THSD7B: variants seen among roughly 807,000 people sequenced by gnomAD.
THSD7B encodes the protein thrombospondin type-1 domain-containing protein 7B.
THSD7B carries 138 observed loss-of-function variants against 213.6 expected under a neutral mutation model. The observed-to-expected ratio is 0.65, with a 90% CI of 0.56 to 0.74. THSD7B has a LOEUF of 0.74. Ranked by LOEUF, THSD7B falls within the 30% of genes least tolerant of loss-of-function variation. The pLI, the probability that THSD7B is intolerant of heterozygous loss-of-function variation, is 0.00. For synonymous variants in THSD7B, 742 were observed against 687.0 expected, an observed-to-expected ratio of 1.08 and a Z score of -1.25; for missense variants, 1,931 against 1,991.5, an observed-to-expected ratio of 0.97 and a Z score of 0.58.
intron 10 of THSD7B, among the ~76,000 whole-genome samples, chr2:137,254,114 T>G (rs1449461348): frequency 6.6e-6 from 1 of 152,186 alleles, no homozygotes; most frequent in Non-Finnish European, 1.5e-5. Flanking sequence ...AGTAGAAAAA[T>G]CAGCCCTGGA....
At chr2:137,014,645 G>T (rs1257589818) in intron 2 of THSD7B, among the ~76,000 whole-genome samples, 1 of 152,160 alleles carries the variant, frequency 6.6e-6, no homozygotes, top group East Asian at 1.9e-4. Flanking sequence ...GCCCAGTGTT[G>T]GCCTGTTGGG....
At chr2:137,384,000 T>A (rs1377432) in intron 12 of THSD7B, among the ~76,000 whole-genome samples, 125,457 of 151,958 alleles carry the variant, frequency 0.83, 52,205 homozygotes, top group East Asian at 0.94. Context: ...AGCATTTTTT[T>A]AAAAAAATCT....
At chr2:136,824,889 C>T (rs569231180) in intron 1 of THSD7B, among the ~76,000 whole-genome samples, 6 of 152,196 alleles carry the variant, frequency 3.9e-5, no homozygotes, top group Admixed American at 1.3e-4. Flanking sequence ...TTACATTTGC[C>T]GAAGAACTGA....
At chr2:137,548,466 ACT>A (rs1479512038) in intron 15 of THSD7B, among the ~76,000 whole-genome samples, 2 of 151,582 alleles carry the variant, frequency 1.3e-5, no homozygotes, top group African/African-American at 4.8e-5. Context: ...CCTTCCACAC[ACT>A]CTCATCTCCC....
At chr2:137,187,863 T>G (rs1334685528) in intron 7 of THSD7B, among the ~76,000 whole-genome samples, 1 of 152,202 alleles carries the variant, frequency 6.6e-6, no homozygotes, top group Non-Finnish European at 1.5e-5. Context: ...ATTTTTAATT[T>G]TTGTTCCAAT....
In THSD7B at chr2:137,618,413, G is replaced by C; in HGVS notation, c.3587G>C (p.Ser1196Thr). The C allele has an allele frequency of 6.2e-7, 1 of 1,613,834 alleles. No homozygotes were observed. Among genetic ancestry groups the C allele is most frequent in the Non-Finnish European group, 8.5e-7 (1 of 1,179,850 alleles). Residue 1196 changes from serine to threonine, a missense_variant, in exon 19 of 28, where the codon AGT becomes ACT. Coordinates refer to ENST00000409968, the MANE Select transcript of THSD7B (RefSeq NM_001316349.2). ...NLTEWSTCQL[S>T]ENAPCGQGVR... The stretch of plus-strand genomic sequence containing the variant: ...GTAGAGTGGAGCACATGCCAGCTGA[G>C]TGAAAACGCACCCTGTGGTCAAGGC...
intron 15 of THSD7B, among the ~76,000 whole-genome samples, chr2:137,519,482 A>G (rs1017886157): frequency 1.3e-5 from 2 of 152,226 alleles, no homozygotes; most frequent in Non-Finnish European, 1.5e-5. Context: ...CTTCATTAGC[A>G]GAACTTGGGC....
chr2:137,437,493 C>T lies in THSD7B; in HGVS notation c.2960-13352C>T, dbSNP rs543449397. On this transcript the variant is annotated intron_variant, in intron 14 of 27. Coordinates refer to ENST00000409968, the MANE Select transcript of THSD7B (RefSeq NM_001316349.2). ...GTCTTCAACATGTCCTGAATTATATCGCCACTTGACAAAATTATTACCAGC... is the reference window on the plus strand; with the variant it reads ...GTCTTCAACATGTCCTGAATTATATTGCCACTTGACAAAATTATTACCAGC... Among the ~76,000 whole-genome samples the T allele has an allele frequency of 8.5e-5, 13 of 152,242 alleles. No homozygotes were observed. The South Asian group carries it at 1.2e-3, about 15-fold the overall frequency.
At chr2:137,654,458 C>T (rs1002199150) in intron 21 of THSD7B, among the ~76,000 whole-genome samples, 9 of 152,166 alleles carry the variant, frequency 5.9e-5, no homozygotes, top group African/African-American at 1.4e-4. Flanking sequence ...CCCATGCTTC[C>T]GGTGGGTTGA....
chr2:137,035,866 AT>A, intron 2 of THSD7B, among the ~76,000 whole-genome samples: 1 of 152,328 alleles, frequency 6.6e-6, no homozygotes, highest in Middle Eastern at 3.4e-3. Context: ...TTTGGGACAT[AT>A]AGCTTACATA....
At chr2:137,607,419 A>C (rs1394836352) in intron 17 of THSD7B, among the ~76,000 whole-genome samples, 1 of 152,194 alleles carries the variant, frequency 6.6e-6, no homozygotes, top group Non-Finnish European at 1.5e-5. Flanking sequence ...AATATTGATA[A>C]TTTAATATGT....
chr2:137,178,899 A>G (rs1160795305), intron 7 of THSD7B, among the ~76,000 whole-genome samples: 2 of 152,278 alleles, frequency 1.3e-5, no homozygotes, highest in African/African-American at 4.8e-5. Flanking sequence ...TGTTCCCATC[A>G]CTACTCCACC....
chr2:137,022,308 T>C (rs904125343), intron 2 of THSD7B, among the ~76,000 whole-genome samples: 7 of 152,106 alleles, frequency 4.6e-5, no homozygotes, highest in Admixed American at 2.0e-4. Context: ...ACTAGTAATG[T>C]ACGAATGAGT....
intron 15 of THSD7B, among the ~76,000 whole-genome samples, chr2:137,535,557 C>G (rs536933924): frequency 6.6e-6 from 1 of 151,804 alleles, no homozygotes; most frequent in South Asian, 2.1e-4. Flanking sequence ...AGACTTTATA[C>G]CCGGTGCCTA....
chr2:137,479,487 G>A (rs755365336), intron 15 of THSD7B: 3 of 417,596 alleles, frequency 7.2e-6, no homozygotes, highest in African/African-American at 6.1e-5. Flanking sequence ...TGCTCAGGTT[G>A]GAGCAGCAGT....
intron 7 of THSD7B, among the ~76,000 whole-genome samples, chr2:137,188,660 G>A (rs1680599736): frequency 6.6e-6 from 1 of 152,156 alleles, no homozygotes; most frequent in African/African-American, 2.4e-5. Context: ...AGTACATACT[G>A]ACACTTTGTG....
At chr2:137,521,513 T>C (rs963302808) in intron 15 of THSD7B, among the ~76,000 whole-genome samples, 1 of 152,210 alleles carries the variant, frequency 6.6e-6, no homozygotes, top group Non-Finnish European at 1.5e-5. Context: ...TTTCTTCTCA[T>C]TGGACCCTTT....
chr2:137,544,454 A>C (rs530953101), intron 15 of THSD7B, among the ~76,000 whole-genome samples: 24 of 151,904 alleles, frequency 1.6e-4, no homozygotes, highest in African/African-American at 5.3e-4. Flanking sequence ...GGAAGAATAT[A>C]ATGGGCAGTG....
intron 11 of THSD7B, among the ~76,000 whole-genome samples, chr2:137,275,312 T>C (rs912239126): frequency 6.6e-6 from 1 of 152,086 alleles, no homozygotes; most frequent in Non-Finnish European, 1.5e-5. Context: ...GTTCTTTTAC[T>C]CTATAACCTA....
Sources: gnomAD v4.1 joint callset for allele counts (sites outside exome capture counted in the v4.1 genomes callset) on GRCh38, gnomAD v4.1.1 for gene constraint, MANE v1.5 for transcripts, NCBI Gene and HGNC (gene_info 2026-07-23, HGNC 2026-07-21) for gene names.